TRMT11: variants seen among roughly 807,000 people sequenced by gnomAD.
TRMT11 encodes tRNA methyltransferase 11.
A neutral mutation model predicts 62.8 loss-of-function variants in TRMT11; 53 were observed. The ratio of observed to expected loss-of-function variants is 0.84; its 90% confidence interval spans 0.68 to 1.06. The LOEUF (loss-of-function observed/expected upper bound fraction) is 1.06, where lower values mean the gene tolerates loss of function less well. TRMT11 is among the 50% of genes least tolerant of loss of function. The pLI is 0.00. For missense variants in TRMT11, 556 were observed against 553.4 expected, an observed-to-expected ratio of 1.00 and a Z score of -0.05; for synonymous variants, 188 against 190.3, an observed-to-expected ratio of 0.99 and a Z score of 0.10.
At chr6:126,208,550 T>A (rs1213554273), downstream of TRMT11, among the ~76,000 whole-genome samples, 1 of 152,196 alleles carries the variant, frequency 6.6e-6, no homozygotes, top group African/African-American at 2.4e-5. Context: ...GCTCTATTAT[T>A]TTTAGTTCAC....
intron 1 of TRMT11, chr6:125,986,910 G>C: frequency 2.3e-6 from 1 of 443,238 alleles, no homozygotes; most frequent in South Asian, 3.6e-5. Flanking sequence ...CACTCCCGGA[G>C]CTCTTCGTCT....
At chr6:126,252,157 A>G in the TRMT11 span, among the ~76,000 whole-genome samples, 1 of 152,148 alleles carries the variant, frequency 6.6e-6, no homozygotes, top group Admixed American at 6.5e-5. Context: ...TCTTCTCCAT[A>G]TGTTTGGGGC....
intron 21 of TRMT11, among the ~76,000 whole-genome samples, chr6:126,141,489 CT>C (rs1431418024): frequency 6.6e-6 from 1 of 152,086 alleles, no homozygotes; most frequent in African/African-American, 2.4e-5. Flanking sequence ...ATAGGTTGTA[CT>C]GCTGTTGCAA....
chr6:125,986,761 G>C, intron 1 of TRMT11, 139 bp downstream of exon 1: 1 of 775,236 alleles, frequency 1.3e-6, no homozygotes, highest in Non-Finnish European at 2.0e-6. Flanking sequence ...CGCGTCCCCA[G>C]TCCTCGGGCG....
At chr6:126,121,026 G>T (rs530523551) in intron 21 of TRMT11, among the ~76,000 whole-genome samples, 1 of 152,010 alleles carries the variant, frequency 6.6e-6, no homozygotes, top group Non-Finnish European at 1.5e-5. Flanking sequence ...TTAGGCCCAC[G>T]TTAGGTAATA....
At chr6:125,991,192 G>C (rs1790561451) in intron 1 of TRMT11, among the ~76,000 whole-genome samples, 1 of 148,940 alleles carries the variant, frequency 6.7e-6, no homozygotes, top group African/African-American at 2.5e-5. Context: ...GTTGCAGTGA[G>C]CCGAGATCAC....
chr6:126,046,062 C>T (rs1038083759), intron 16 of TRMT11, among the ~76,000 whole-genome samples: 11 of 152,078 alleles, frequency 7.2e-5, no homozygotes, highest in Non-Finnish European at 1.6e-4. Context: ...CTGATGAAGG[C>T]GACCTACTGA....
chr6:126,145,345 G>A (rs1481288603), intron 21 of TRMT11, among the ~76,000 whole-genome samples: 1 of 152,124 alleles, frequency 6.6e-6, no homozygotes, highest in Non-Finnish European at 1.5e-5. Flanking sequence ...AAGAAAGAGA[G>A]CACAGAGAAA....
Position 125,998,656 on chromosome 6 carries a change from A to G in TRMT11, c.494A>G (p.Asn165Ser). 1 of 1,613,084 alleles carries G rather than the reference A, an allele frequency of 6.2e-7. No individual in the cohort carries two copies. The highest frequency in any genetic ancestry group is 8.5e-7 in the Non-Finnish European group (1 of 1,179,570). Residue 165 changes from asparagine (N) to serine (S), a missense_variant, in exon 6 of 13, where the codon AAT (asparagine) becomes AGT (serine). Coordinates refer to ENST00000334379, the MANE Select transcript of TRMT11 (RefSeq NM_001031712.3). ...TTAGACCCAAACTGCATCCCTGAGA[A>G]TCCACATAATATTTATTTTGGTAGA... ...YGLDPNCIPE[N>S]PHNIYFGRWI...
At chr6:126,250,805 CT>C in the TRMT11 span, among the ~76,000 whole-genome samples, 3 of 152,068 alleles carry the variant, frequency 2.0e-5, no homozygotes, top group Non-Finnish European at 4.4e-5. Context: ...TATCAGTGGG[CT>C]TTTTTTCATT....
intron 1 of TRMT11, among the ~76,000 whole-genome samples, chr6:126,183,150 T>C (rs757439784): frequency 6.6e-6 from 1 of 152,144 alleles, no homozygotes; most frequent in African/African-American, 2.4e-5. Context: ...ATTAAAACTT[T>C]CCCTTTTTAG....
the TRMT11 span, among the ~76,000 whole-genome samples, chr6:126,227,458 A>G: frequency 6.6e-6 from 1 of 152,200 alleles, no homozygotes; most frequent in Non-Finnish European, 1.5e-5. Context: ...ATCTTATCCA[A>G]GCAGGATGAT....
intron 7 of TRMT11, chr6:126,006,773 A>T (rs1016333625): frequency 6.6e-6 from 1 of 151,984 alleles, no homozygotes; most frequent in Non-Finnish European, 1.5e-5. Context: ...ATTTAAAAAA[A>T]AATAAAAGCT....
chr6:126,227,531 C>T, the TRMT11 span, among the ~76,000 whole-genome samples: 13 of 152,246 alleles, frequency 8.5e-5, no homozygotes, highest in Admixed American at 1.3e-4. Context: ...GAATATTTGC[C>T]GATTTAACCA....
chr6:126,038,218 A>G (rs1775535414), intron 12 of TRMT11, among the ~76,000 whole-genome samples: 1 of 152,024 alleles, frequency 6.6e-6, no homozygotes, highest in African/African-American at 2.4e-5. Context: ...TTATTTCATT[A>G]ACTGAATATA....
chr6:125,999,150 T>G (rs987632800), intron 6 of TRMT11, among the ~76,000 whole-genome samples: 3 of 152,134 alleles, frequency 2.0e-5, no homozygotes, highest in Non-Finnish European at 4.4e-5. Flanking sequence ...AAGTTGTGAC[T>G]TATGTTAGAG....
chr6:126,179,749 A>T (rs376804138), intron 1 of TRMT11, among the ~76,000 whole-genome samples: 1 of 152,206 alleles, frequency 6.6e-6, no homozygotes, highest in African/African-American at 2.4e-5. Context: ...TGAAGTATAT[A>T]CTTTTCAAAG....
intron 21 of TRMT11, among the ~76,000 whole-genome samples, chr6:126,149,798 A>G (rs1275133089): frequency 6.6e-6 from 1 of 152,214 alleles, no homozygotes; most frequent in Non-Finnish European, 1.5e-5. Context: ...TGCAGTGCTC[A>G]GGACTATACA....
downstream of TRMT11, among the ~76,000 whole-genome samples, chr6:126,206,739 T>C (rs1778795259): frequency 6.6e-6 from 1 of 152,216 alleles, no homozygotes; most frequent in African/African-American, 2.4e-5. Context: ...CATACTTATC[T>C]TCTGGTTACT....
Sources: allele counts gnomAD v4.1 joint callset (sites outside exome capture counted in the v4.1 genomes callset), GRCh38; gene constraint gnomAD v4.1.1; transcripts MANE v1.5; gene names NCBI Gene and HGNC (gene_info 2026-07-23, HGNC 2026-07-21).